Variants in DST observed in about 807,000 individuals in gnomAD.
DST encodes bullous pemphigoid antigen.
In DST, 253 loss-of-function variants were observed where a neutral mutation model predicts 875.2. That is an observed-to-expected ratio of 0.29 (90% confidence interval 0.26 to 0.32). The LOEUF is 0.32. Among genes scored for constraint, DST ranks in the 10% least tolerant of loss-of-function variants. The pLI is 1.00. For synonymous variants in DST, 3,124 were observed against 3,197.1 expected (o/e 0.98, Z 0.77); for missense variants, 8,287 against 9,111.6 (o/e 0.91, Z 3.68).
At chr6:56,682,071 A>G (rs1193914421) in intron 9 of DST, among the ~76,000 whole-genome samples, 1 of 152,248 alleles carries the variant, frequency 6.6e-6, no homozygotes, top group Non-Finnish European at 1.5e-5. Context: ...AGAGAGTGTA[A>G]CGGGGAGGTC....
At position 56,635,577 on chromosome 6, in the gene DST, T is replaced by C. The variant is rs766023193; in HGVS notation, c.3186+12A>G. ...TGCATACTTATAAAATGCATAGGTT[T>C]TGTATTAGTACCATTGATTCCTGAA... On this transcript the variant is annotated intron_variant, in intron 24 of 103. Coordinates refer to ENST00000680361, the MANE Select transcript of DST (RefSeq NM_001374736.1). 1.2e-6 allele frequency: 2 copies of C among 1,613,764 alleles called. No individual in the cohort carries two copies. The highest frequency in any genetic ancestry group is 1.7e-6 in the Non-Finnish European group (2 of 1,179,768).
At position 56,598,421 on chromosome 6, in the gene DST, G is replaced by A. The variant is rs1040153309; in HGVS notation, c.11928+55C>T. On this transcript the variant is annotated intron_variant, in intron 46 of 103. Coordinates refer to ENST00000680361, the MANE Select transcript of DST (RefSeq NM_001374736.1). ...CCACTGGATATTAATAATAAATCAA[G>A]TAGCTGTTAAGCTTTTTGACATAGC... The A allele has an allele frequency of 1.4e-4, 146 of 1,020,456 alleles. No homozygotes were observed. In the Middle Eastern group the frequency reaches 2.0e-3, roughly 14 times the overall value. The allele number at this position is 1,020,456 out of a possible 1,614,324, so 63.2% of individuals were successfully genotyped here. A position where few individuals can be genotyped will look rare whatever the true frequency, so the allele number is the denominator to read the frequency against.
intron 3 of DST, among the ~76,000 whole-genome samples, chr6:56,883,015 G>A (rs1049685903): frequency 1.8e-4 from 27 of 152,142 alleles, no homozygotes; most frequent in Non-Finnish European, 3.2e-4. Context: ...TTACAGGTGC[G>A]TGCCACCACA....
chr6:56,727,398 A>C (rs1301224406), intron 5 of DST, among the ~76,000 whole-genome samples: 1 of 152,208 alleles, frequency 6.6e-6, no homozygotes, highest in Non-Finnish European at 1.5e-5. Context: ...GGAAAAACAA[A>C]CATTCTAAAT....
rs527377830 is a variant in DST at position 56,802,643 on chromosome 6, T to C, written c.625+48754A>G. ...TGGGAACGTACTAATTTATCTGATA[T>C]AGCACAGTGCCCTACTTTTTAGTAG... On this transcript the variant is annotated intron_variant, in intron 4 of 103. Coordinates refer to ENST00000680361, the MANE Select transcript of DST (RefSeq NM_001374736.1). 1.1e-4 allele frequency among the ~76,000 whole-genome samples: 16 copies of C among 152,320 alleles called. No homozygotes were observed. In the South Asian group the frequency reaches 2.9e-3, roughly 28 times the overall value.
At chr6:56,760,121 T>C (rs1397433057) in intron 4 of DST, among the ~76,000 whole-genome samples, 1 of 151,846 alleles carries the variant, frequency 6.6e-6, no homozygotes, top group Non-Finnish European at 1.5e-5. Flanking sequence ...TAAAAGAAAA[T>C]TGCACAAGTC....
chr6:56,827,623 T>C (rs1438625571), intron 4 of DST, among the ~76,000 whole-genome samples: 1 of 151,146 alleles, frequency 6.6e-6, no homozygotes, highest in African/African-American at 2.5e-5. Context: ...GGTGGAGCTA[T>C]AAAAAGTATA....
chr6:56,807,396 A>G (rs951511992), intron 4 of DST, among the ~76,000 whole-genome samples: 3 of 152,220 alleles, frequency 2.0e-5, no homozygotes, highest in African/African-American at 7.2e-5. Context: ...GAAACTGATA[A>G]ACTGATTTAA....
intron 4 of DST, among the ~76,000 whole-genome samples, chr6:56,792,716 A>C (rs893557503): frequency 2.6e-5 from 4 of 152,198 alleles, no homozygotes; most frequent in African/African-American, 4.8e-5. Context: ...AAATGTTCTA[A>C]CCTGAATCCA....
intron 4 of DST, among the ~76,000 whole-genome samples, chr6:56,793,688 G>C (rs756375995): frequency 1.3e-5 from 2 of 152,162 alleles, no homozygotes; most frequent in Non-Finnish European, 2.9e-5. Flanking sequence ...TGAACATGCA[G>C]TGAAGAATGT....
chr6:56,486,945 C>A (rs1198350707), intron 87 of DST, among the ~76,000 whole-genome samples, 159 bp downstream of exon 87: 1 of 152,064 alleles, frequency 6.6e-6, no homozygotes, highest in African/African-American at 2.4e-5. Context: ...GCAAAGACTT[C>A]TCAATGCAAG....
chr6:56,536,900 TGTTTACCTTGCAAGG>T lies in DST; in HGVS notation c.16634_16648del (p.Pro5545_Lys5549del). 6.2e-7 allele frequency: 1 copy of T among 1,613,966 alleles called. No individual in the cohort carries two copies. On this transcript the variant is annotated inframe_deletion, in exon 62 of 104. Coordinates refer to ENST00000680361, the MANE Select transcript of DST (RefSeq NM_001374736.1). ...TTGACCTAACCAGTTTACATCTTGCTGTTTACCTTGCAAGGGTTCAATCTCTTCTTTCTGGAATAC... is the reference window on the plus strand; with the variant it reads ...TTGACCTAACCAGTTTACATCTTGCTGTTCAATCTCTTCTTTCTGGAATAC...
Position 56,506,483 on chromosome 6 carries a change from T to G in DST, c.19424A>C (p.Glu6475Ala). 1 of 1,613,178 alleles carries G rather than the reference T, an allele frequency of 6.2e-7. No individual in the cohort carries two copies. Among genetic ancestry groups the G allele is most frequent in the Non-Finnish European group, 8.5e-7 (1 of 1,179,562 alleles). ...AWKDRIDKLE[E>A]AMQAAVQYQD... is the part of the protein sequence containing the mutation. ...GTACTGAACGGCAGCCTGCATTGCC[T>G]CCTCAAGTTTGTCAATCCGGTCTTT... The change falls in exon 77 of 104, where the codon GAG (glutamate) becomes GCG (alanine). Residue 6475 changes from glutamate to alanine, a missense_variant. By Grantham distance (107) the Glu-to-Ala change is moderately radical. Coordinates refer to ENST00000680361, the MANE Select transcript of DST (RefSeq NM_001374736.1).
chr6:56,470,304 TAAG>T (rs2094818181), intron 95 of DST, 22 bp from the exon 96 acceptor site: 1 of 1,571,874 alleles, frequency 6.4e-7, no homozygotes, highest in African/African-American at 1.3e-5. Flanking sequence ...AAAACAATGG[TAAG>T]TAGTGACTTG....
chr6:56,722,774 G>A lies in DST; in HGVS notation c.687+12454C>T, dbSNP rs549203534. Among the ~76,000 whole-genome samples, 9 of 152,288 alleles carry A rather than the reference G, an allele frequency of 5.9e-5. No homozygotes were observed. The East Asian group carries it at 1.7e-3, about 29-fold the overall frequency. On this transcript the variant is annotated intron_variant, in intron 5 of 103. Transcript: ENST00000680361. ...TGTAGAAATAAAAAGCGGCTATAAA[G>A]GTAAGTAAATAGCTGAACATGTACA...
chr6:56,676,048 A>G (rs1291638888), intron 9 of DST, among the ~76,000 whole-genome samples: 3 of 152,054 alleles, frequency 2.0e-5, no homozygotes, highest in African/African-American at 7.2e-5. Context: ...GTCTCAAAAA[A>G]AAGGAAAGAT....
intron 61 of DST, among the ~76,000 whole-genome samples, chr6:56,538,968 C>T (rs1016232441): frequency 5.3e-5 from 8 of 152,026 alleles, no homozygotes; most frequent in African/African-American, 1.7e-4. Flanking sequence ...TAAGTTATAA[C>T]TTCCAGGACT....
Position 56,616,313 on chromosome 6 carries a change from T to C in DST, c.4930-1829A>G, listed in dbSNP as rs755135829. The C allele has an allele frequency of 1.1e-5, 18 of 1,613,746 alleles. No individual in the cohort carries two copies. In the East Asian group the frequency reaches 1.3e-4, roughly 12 times the overall value. ...AGTCAGCATATGAGAAGAATGCCCA[T>C]AGGATTCAAAAAACATAGCTTCCTT... On this transcript the variant is annotated intron_variant, in intron 36 of 103. Coordinates refer to ENST00000680361, the MANE Select transcript of DST (RefSeq NM_001374736.1).
chr6:56,667,828 T>TATACACAC (rs1554596727), intron 10 of DST, among the ~76,000 whole-genome samples: 4 of 149,772 alleles, frequency 2.7e-5, no homozygotes, highest in Non-Finnish European at 4.4e-5. Flanking sequence ...TATATATATA[T>TATACACAC]ACACACACAC....
Sources: gnomAD v4.1 joint callset for allele counts (sites outside exome capture counted in the v4.1 genomes callset) on GRCh38, gnomAD v4.1.1 for gene constraint, MANE v1.5 for transcripts, NCBI Gene and HGNC (gene_info 2026-07-23, HGNC 2026-07-21) for gene names.